Variants in STK33 observed in about 807,000 individuals in gnomAD.
The protein encoded by STK33 is serine/threonine-protein kinase 33.
A neutral mutation model predicts 58.0 loss-of-function variants in STK33; 52 were observed. That is an observed-to-expected ratio of 0.90 (90% CI 0.72 to 1.13). The LOEUF (loss-of-function observed/expected upper bound fraction) is 1.13, where lower values mean the gene tolerates loss of function less well. Among genes scored for constraint, STK33 ranks in the 50% most tolerant of loss-of-function variants. The probability of loss-of-function intolerance (pLI) is 0.00; values close to 1 mark genes in which losing one functional copy is unlikely to be tolerated. For synonymous variants in STK33, 215 were observed against 200.1 expected (o/e 1.07, Z -0.63); for missense variants, 630 against 604.2 (o/e 1.04, Z -0.45).
rs560482891 is a variant in STK33, at chr11:8,508,086, T to C, written c.-465-27472A>G. On this transcript the variant is annotated intron_variant, in intron 1 of 15. Transcript: ENST00000687296. ...TTGTATTTTTAGTAGAGACGGGTTTTCACCATGTTAGCCAGGCTGGTCTTA... is the reference window on the plus strand; with the variant it reads ...TTGTATTTTTAGTAGAGACGGGTTTCCACCATGTTAGCCAGGCTGGTCTTA... Among the ~76,000 whole-genome samples the C allele has an allele frequency of 2.6e-5, 4 of 152,152 alleles. No homozygotes were observed. The East Asian group carries it at 7.7e-4, about 29-fold the overall frequency.
At chr11:8,416,693 A>G (rs553548731) in intron 14 of STK33, among the ~76,000 whole-genome samples, 1 of 152,312 alleles carries the variant, frequency 6.6e-6, no homozygotes, top group East Asian at 1.9e-4. Flanking sequence ...GAGATTCTAC[A>G]TGTCTAAAGG....
intron 15 of STK33, among the ~76,000 whole-genome samples, chr11:8,394,308 C>T (rs1014030042): frequency 6.6e-6 from 1 of 152,250 alleles, no homozygotes; most frequent in East Asian, 1.9e-4. Context: ...GATATACACC[C>T]TATCTTTAAA....
intron 11 of STK33, among the ~76,000 whole-genome samples, chr11:8,447,284 T>G (rs1436163720): frequency 1.3e-5 from 2 of 152,210 alleles, no homozygotes; most frequent in African/African-American, 4.8e-5. Context: ...TAACTCATTT[T>G]ATGAGGCCAG....
the STK33 span, among the ~76,000 whole-genome samples, chr11:8,381,274 A>C: frequency 1.3e-5 from 2 of 152,228 alleles, no homozygotes; most frequent in Admixed American, 1.3e-4. Flanking sequence ...AAAAAAATTA[A>C]GAAAACACAC....
intron 14 of STK33, among the ~76,000 whole-genome samples, chr11:8,423,753 T>C (rs1177338831): frequency 6.6e-6 from 1 of 152,020 alleles, no homozygotes; most frequent in East Asian, 1.9e-4. Context: ...CATCCATATA[T>C]TTTTGTTTCT....
the STK33 span, among the ~76,000 whole-genome samples, chr11:8,384,556 C>T: frequency 4.6e-5 from 7 of 152,180 alleles, no homozygotes; most frequent in Non-Finnish European, 7.4e-5. Flanking sequence ...TTTTATGTTC[C>T]GCCTGTACAC....
chr11:8,464,573 C>T (rs757776054), intron 7 of STK33, 136 bp downstream of exon 7: 21 of 484,954 alleles, frequency 4.3e-5, no homozygotes, highest in Middle Eastern at 2.9e-4. Flanking sequence ...AGAAATGCCA[C>T]GCTTCTCTGG....
the STK33 span, among the ~76,000 whole-genome samples, chr11:8,369,329 GTGTA>G: frequency 3.1e-3 from 469 of 149,294 alleles, 4 homozygotes; most frequent in African/African-American, 0.011. Flanking sequence ...GTGTGTGTGT[GTGTA>G]TAATCAGAAA....
chr11:8,427,623 C>A lies in STK33; in HGVS notation c.1146+7871G>T, dbSNP rs1942932784. 2.0e-5 allele frequency among the ~76,000 whole-genome samples: 3 copies of A among 151,916 alleles called. No homozygotes were observed. In the South Asian group the frequency reaches 6.2e-4, roughly 32 times the overall value. ...TTACTTTTAACCCCATATATCTTTT[C>A]TTTTATATTTTCAACTTATTTATCC... On this transcript the variant is annotated intron_variant, in intron 14 of 15. Transcript: ENST00000687296.
At chr11:8,374,660 C>T in the STK33 span, among the ~76,000 whole-genome samples, 1 of 152,204 alleles carries the variant, frequency 6.6e-6, no homozygotes, top group South Asian at 2.1e-4. Flanking sequence ...TATAAAATCC[C>T]TACCTCCAGA....
downstream of STK33, among the ~76,000 whole-genome samples, chr11:8,391,526 G>A (rs928371694): frequency 5.3e-5 from 8 of 152,200 alleles, no homozygotes; most frequent in African/African-American, 1.9e-4. Flanking sequence ...GGCCAGATGT[G>A]GGCCATTTTG....
At position 8,473,170 on chromosome 11, in the gene STK33, G is replaced by A. The variant is rs1948942384; in HGVS notation, c.332C>T (p.Ala111Val). 6.2e-7 allele frequency: 1 copy of A among 1,609,186 alleles called. No homozygotes were observed. Among genetic ancestry groups the A allele is most frequent in the Admixed American group, 1.7e-5 (1 of 59,686 alleles). Residue 111 changes from alanine to valine, a missense_variant, in exon 6 of 16, where the codon GCT (alanine) becomes GTT (valine). Coordinates refer to ENST00000687296, the MANE Select transcript of STK33 (RefSeq NM_001352389.2). ...CATTTGCTTTCTATATACCTCAATA[G>A]CAGCTCCATTCTCAATCCTTATGTG... ...VPHIRIENGA[A>V]IEEIYTFGRI...
chr11:8,436,923 T>A (rs1293967760), intron 12 of STK33, among the ~76,000 whole-genome samples: 1 of 152,128 alleles, frequency 6.6e-6, no homozygotes, highest in African/African-American at 2.4e-5. Context: ...GCCTCGAACT[T>A]CTGACATCAA....
At chr11:8,393,966 G>A (rs1291187643) in intron 15 of STK33, among the ~76,000 whole-genome samples, 3 of 152,100 alleles carry the variant, frequency 2.0e-5, no homozygotes, top group Admixed American at 6.6e-5. Context: ...AACATCACTC[G>A]TGTCTGATTT....
At chr11:8,385,339 T>C in the STK33 span, among the ~76,000 whole-genome samples, 37,823 of 151,904 alleles carry the variant, frequency 0.25, 4,885 homozygotes, top group South Asian at 0.36. Flanking sequence ...AATAAAAGGG[T>C]TTCTTCCTGT....
At chr11:8,451,995 G>A (rs1946338032) in intron 11 of STK33, among the ~76,000 whole-genome samples, 1 of 152,122 alleles carries the variant, frequency 6.6e-6, no homozygotes, top group African/African-American at 2.4e-5. Context: ...TTGAAGTCAG[G>A]AGTTTTAGAT....
intron 1 of STK33, among the ~76,000 whole-genome samples, chr11:8,569,628 G>A (rs149216736): frequency 0.012 from 1,892 of 152,224 alleles, 19 homozygotes; most frequent in Non-Finnish European, 0.018. Flanking sequence ...TCATCAAAAT[G>A]TAAGACTTCT....
Position 8,392,795 on chromosome 11 carries a change from G to A in STK33, c.1345-85C>T, listed in dbSNP as rs565713402. On this transcript the variant is annotated intron_variant, in intron 15 of 15. Transcript: ENST00000687296. Reference sequence around the variant, plus strand: ...ATGCAAGGAACTACAAAGTTGTCCAGGATTTGCAAGTTGGAGCCCTCTCTA... The same window carrying A: ...ATGCAAGGAACTACAAAGTTGTCCAAGATTTGCAAGTTGGAGCCCTCTCTA... 18 of 1,413,860 alleles carry A rather than the reference G, an allele frequency of 1.3e-5. No homozygotes were observed. The East Asian group carries it at 4.2e-4, about 33-fold the overall frequency. The allele number at this position is 1,413,860 out of a possible 1,614,324, so 87.6% of individuals were successfully genotyped here.
intron 1 of STK33, among the ~76,000 whole-genome samples, chr11:8,499,116 A>G (rs1265943119): frequency 2.0e-5 from 3 of 152,232 alleles, no homozygotes; most frequent in Non-Finnish European, 4.4e-5. Flanking sequence ...TCTGCACAGC[A>G]AAAGAAACTA....
Sources: gnomAD v4.1 joint callset for allele counts (sites outside exome capture counted in the v4.1 genomes callset) on GRCh38, gnomAD v4.1.1 for gene constraint, MANE v1.5 for transcripts, NCBI Gene and HGNC (gene_info 2026-07-23, HGNC 2026-07-21) for gene names.